Variants in PROS1 observed in about 807,000 individuals in gnomAD.
PROS1 encodes the protein vitamin K-dependent protein S.
Under a neutral mutation model 75.9 loss-of-function variants are expected in PROS1, and 29 were observed. The ratio of observed to expected loss-of-function variants is 0.38; its 90% CI spans 0.28 to 0.52. The LOEUF is 0.52. Among genes scored for constraint, PROS1 ranks in the 20% least tolerant of loss-of-function variants. The pLI is 0.83. For missense variants in PROS1, 680 were observed against 810.3 expected, an observed-to-expected ratio of 0.84 and a Z score of 1.95; for synonymous variants, 245 against 280.6, an observed-to-expected ratio of 0.87 and a Z score of 1.27.
Position 93,898,450 on chromosome 3 carries a change from C to A in PROS1, c.847G>T (p.Glu283Ter). 1 of 1,612,344 alleles carries A rather than the reference C, an allele frequency of 6.2e-7. No individual in the cohort carries two copies. Among genetic ancestry groups the A allele is most frequent in the Non-Finnish European group, 8.5e-7 (1 of 1,178,748 alleles). The change falls in exon 8 of 15, where the codon GAG (glutamate) becomes TAG (stop). Residue 283 changes from glutamate (E) to a stop codon, truncating the protein, a stop_gained and splice_region_variant. Coordinates refer to ENST00000394236, the MANE Select transcript of PROS1 (RefSeq NM_000313.4). LOFTEE classifies it high-confidence loss of function. Reference protein sequence around the residue: ...FKLAQDQKSCEVVSVCLPLNL... With the variant: ...FKLAQDQKSC The stretch of plus-strand genomic sequence containing the variant: ...GTTAAGCATTGTAAAATGTTTACCT[C>A]ACAACTCTTCTGATCTTGGGCAAGT...
chr3:93,887,095 T>C (rs1285322835), intron 10 of PROS1, among the ~76,000 whole-genome samples: 2 of 151,710 alleles, frequency 1.3e-5, no homozygotes, highest in Admixed American at 1.3e-4. Flanking sequence ...ATTTTTTGTA[T>C]TTTTAGTAGA....
chr3:93,949,332 T>C (rs1035323576), intron 1 of PROS1, among the ~76,000 whole-genome samples: 4 of 152,212 alleles, frequency 2.6e-5, no homozygotes, highest in Non-Finnish European at 4.4e-5. Context: ...TTTTATAAAA[T>C]TGAGTATTTC....
intron 1 of PROS1, among the ~76,000 whole-genome samples, chr3:93,946,138 C>G (rs980982090): frequency 3.9e-5 from 6 of 152,066 alleles, no homozygotes; most frequent in Non-Finnish European, 7.4e-5. Flanking sequence ...ACACACCACT[C>G]CTCAATGAAA....
At chr3:93,954,081 C>CA (rs981240982) in intron 1 of PROS1, among the ~76,000 whole-genome samples, 5 of 151,878 alleles carry the variant, frequency 3.3e-5, no homozygotes, top group South Asian at 2.1e-4. Flanking sequence ...AGAGGACACA[C>CA]AAAAAAATGG....
intron 3 of PROS1, among the ~76,000 whole-genome samples, chr3:93,917,891 A>C (rs1484576237): frequency 3.9e-5 from 6 of 152,064 alleles, no homozygotes; most frequent in African/African-American, 1.2e-4. Flanking sequence ...CTCCTGTGCC[A>C]TGAAGCCTCC....
At chr3:93,949,317 C>T (rs1002501308) in intron 1 of PROS1, among the ~76,000 whole-genome samples, 2 of 152,146 alleles carry the variant, frequency 1.3e-5, no homozygotes, top group African/African-American at 4.8e-5. Flanking sequence ...ATCAATGTCA[C>T]CTACTTTTAT....
intron 12 of PROS1, among the ~76,000 whole-genome samples, chr3:93,881,303 CAG>C (rs987502816): frequency 1.6e-4 from 25 of 151,970 alleles, no homozygotes; most frequent in African/African-American, 6.0e-4. Context: ...GCCTGGATGA[CAG>C]AGAGAGACCC....
intron 1 of PROS1, among the ~76,000 whole-genome samples, chr3:93,973,031 A>G (rs1184925596): frequency 7.9e-5 from 12 of 152,188 alleles, no homozygotes; most frequent in Admixed American, 4.6e-4. Context: ...ACAAAGATAA[A>G]GAATTCATGC....
intron 4 of PROS1, among the ~76,000 whole-genome samples, chr3:93,906,976 G>A (rs1208697943): frequency 6.6e-6 from 1 of 152,198 alleles, no homozygotes; most frequent in Admixed American, 6.5e-5. Flanking sequence ...GCTCAGTGCT[G>A]GCCTGCAGGC....
intron 3 of PROS1, among the ~76,000 whole-genome samples, chr3:93,922,969 G>T (rs924190678): frequency 1.3e-5 from 2 of 152,198 alleles, no homozygotes; most frequent in African/African-American, 4.8e-5. Flanking sequence ...CATATTTGGT[G>T]ATTTAAAAGC....
chr3:93,915,840 T>TTCCTAGCCTGCTCC (rs1708838323), intron 3 of PROS1, among the ~76,000 whole-genome samples: 1 of 152,160 alleles, frequency 6.6e-6, no homozygotes, highest in Non-Finnish European at 1.5e-5. Context: ...ATCTAGGCTC[T>TTCCTAGCCTGCTCC]TCCTAGCCTG....
At chr3:93,973,243 A>G (rs1709907740) in intron 1 of PROS1, among the ~76,000 whole-genome samples, 1 of 152,154 alleles carries the variant, frequency 6.6e-6, no homozygotes, top group South Asian at 2.1e-4. Flanking sequence ...GAAATTGCAA[A>G]AGGGAGGCAG....
intron 1 of PROS1, among the ~76,000 whole-genome samples, chr3:93,972,399 T>C (rs1709893358): frequency 6.6e-6 from 1 of 152,224 alleles, no homozygotes; most frequent in African/African-American, 2.4e-5. Context: ...TAATAGAAAC[T>C]AGTGGAATGT....
At chr3:93,950,479 C>T (rs922300865) in intron 1 of PROS1, among the ~76,000 whole-genome samples, 19 of 152,120 alleles carry the variant, frequency 1.2e-4, no homozygotes, top group Admixed American at 3.3e-4. Context: ...CCCTCTGAGA[C>T]GAAGCTTCCA....
At chr3:93,882,833 G>A (rs1708292542) in intron 12 of PROS1, among the ~76,000 whole-genome samples, 1 of 152,082 alleles carries the variant, frequency 6.6e-6, no homozygotes, top group African/African-American at 2.4e-5. Context: ...ACCAGCTACA[G>A]GGAAGCCACA....
chr3:93,928,260 A>T (rs1163264723), intron 1 of PROS1, among the ~76,000 whole-genome samples: 2 of 150,644 alleles, frequency 1.3e-5, no homozygotes, highest in Non-Finnish European at 3.0e-5. Context: ...GAGTGCAGGA[A>T]TTCAAGGTTA....
rs770400563 is a variant in PROS1, at chr3:93,924,263, T to A, written c.236A>T (p.Asp79Val). 11 of 1,285,884 alleles carry A rather than the reference T, an allele frequency of 8.6e-6. No homozygotes were observed. The Admixed American group carries it at 2.3e-4, about 27-fold the overall frequency. 79.7% of individuals were successfully genotyped at this position (1,285,884 alleles called of 1,614,324 possible). ...REVFENDPETDYFYPKYLVCL... is the reference protein window; with the variant it reads ...REVFENDPETVYFYPKYLVCL... ...ACCTAAGTATTTTGGATAAAAATAA[T>A]CCTAGAAAGAAGAAAAAGAAAACAT... Residue 79 changes from aspartate (D) to valine (V), a missense_variant and splice_region_variant, in exon 3 of 15, where the codon GAT (aspartate) becomes GTT (valine). Coordinates refer to ENST00000394236, the MANE Select transcript of PROS1 (RefSeq NM_000313.4).
At chr3:93,935,570 C>T (rs529586922) in intron 1 of PROS1, among the ~76,000 whole-genome samples, 1 of 152,074 alleles carries the variant, frequency 6.6e-6, no homozygotes, top group Admixed American at 6.6e-5. Flanking sequence ...CAATATCGCC[C>T]TACTTGCAAT....
intron 2 of PROS1, among the ~76,000 whole-genome samples, 175 bp downstream of exon 2, chr3:93,927,075 C>A (rs919678130): frequency 2.6e-5 from 4 of 152,070 alleles, no homozygotes; most frequent in Non-Finnish European, 5.9e-5. Flanking sequence ...GTCTGCCTAA[C>A]AAGCCCACTT....
Sources: allele counts gnomAD v4.1 joint callset (sites outside exome capture counted in the v4.1 genomes callset), GRCh38; gene constraint gnomAD v4.1.1; transcripts MANE v1.5; gene names NCBI Gene and HGNC (gene_info 2026-07-23, HGNC 2026-07-21).